The following PCDHA2 variants were observed in gnomAD, a reference collection of about 807,000 sequenced individuals.
The protein encoded by PCDHA2 is protocadherin alpha 2.
In PCDHA2, 58 loss-of-function variants were observed where a neutral mutation model predicts 66.0. The ratio of observed to expected loss-of-function variants is 0.88; its 90% CI spans 0.71 to 1.09. The LOEUF is 1.09. PCDHA2 is among the 50% of genes least tolerant of loss of function. The probability of loss-of-function intolerance (pLI) is 0.00; values close to 1 mark genes in which losing one functional copy is unlikely to be tolerated. For synonymous variants in PCDHA2, 634 were observed against 554.0 expected (o/e 1.14, Z -2.03); for missense variants, 1,267 against 1,242.3 (o/e 1.02, Z -0.30).
intron 1 of PCDHA2, chr5:140,822,039 G>A: frequency 6.2e-7 from 1 of 1,614,224 alleles, no homozygotes; most frequent in South Asian, 1.1e-5. Flanking sequence ...TGAATTCTCG[G>A]ATCGACCGGG....
At chr5:140,952,380 G>A (rs246035) in intron 1 of PCDHA2, among the ~76,000 whole-genome samples, 85,175 of 151,100 alleles carry the variant, frequency 0.56, 24,638 homozygotes, top group African/African-American at 0.69. Flanking sequence ...CCTCTGCCAG[G>A]TACCCTAAAC....
intron 3 of PCDHA2, among the ~76,000 whole-genome samples, chr5:141,007,768 A>C (rs1457934171): frequency 2.0e-5 from 3 of 152,212 alleles, no homozygotes; most frequent in Non-Finnish European, 2.9e-5. Context: ...ATTGGCCTGG[A>C]AATGGTACTG....
At position 140,795,473 on chromosome 5, in the gene PCDHA2, A is replaced by T; in HGVS notation, c.509A>T (p.Tyr170Phe). 1 of 1,614,186 alleles carries T rather than the reference A, an allele frequency of 6.2e-7. No individual in the cohort carries two copies. The highest frequency in any genetic ancestry group is 8.5e-7 in the Non-Finnish European group (1 of 1,180,032). The part of the protein sequence containing the change: ...ADIGVNALLS[Y>F]KLSSSEFFFL... ...ATAGGAGTAAATGCTCTTCTCTCCT[A>T]CAAGCTCAGCTCCAGTGAGTTTTTC... The change falls in exon 1 of 4, where the codon TAC becomes TTC. Residue 170 changes from tyrosine (Y) to phenylalanine (F), a missense_variant. By Grantham distance (22) the Tyr-to-Phe change is conservative. Coordinates refer to ENST00000526136, the MANE Select transcript of PCDHA2 (RefSeq NM_018905.3).
intron 1 of PCDHA2, chr5:140,801,003 A>C (rs1361378619): frequency 1.4e-6 from 2 of 1,408,024 alleles, no homozygotes; most frequent in African/African-American, 2.9e-5. Flanking sequence ...GTTTAGCCAC[A>C]TGATGTCGCT....
intron 1 of PCDHA2, chr5:140,966,863 C>T: frequency 6.4e-7 from 1 of 1,562,680 alleles, no homozygotes; most frequent in East Asian, 2.3e-5. Flanking sequence ...GCTGCTGTTG[C>T]TGCTGCTGCT....
intron 1 of PCDHA2, chr5:140,870,835 A>G (rs1304748663): frequency 1.9e-6 from 3 of 1,613,670 alleles, no homozygotes; most frequent in Admixed American, 3.3e-5. Context: ...CGCAGTTAAC[A>G]AGCTAGTACC....
chr5:140,924,942 GT>G (rs1180985667), intron 1 of PCDHA2, among the ~76,000 whole-genome samples: 3 of 120,862 alleles, frequency 2.5e-5, no homozygotes, highest in African/African-American at 8.7e-5. Context: ...AAAATAAAAA[GT>G]TAAAAAAAAA....
rs781930925 is a variant in PCDHA2, at chr5:140,797,047, G to A, written c.2083G>A (p.Asp695Asn). The change falls in exon 1 of 4, where the codon GAT (aspartate) becomes AAT (asparagine). Residue 695 changes from aspartate to asparagine, a missense_variant. Transcript: ENST00000526136. ...GAAGSEATLV[D>N]VNVYLIIAIC... ...CGCGGGCTCAGAGGCTACGCTGGTG[G>A]ATGTCAACGTGTACCTGATCATCGC... is the stretch of plus-strand genomic sequence containing the variant. The A allele has an allele frequency of 1.2e-6, 2 of 1,613,754 alleles. No homozygotes were observed. Among genetic ancestry groups the A allele is most frequent in the East Asian group, 2.2e-5 (1 of 44,870 alleles).
chr5:140,882,873 G>T, intron 1 of PCDHA2: 6 of 1,614,222 alleles, frequency 3.7e-6, no homozygotes, highest in Non-Finnish European at 5.1e-6. Flanking sequence ...ACACTGGACA[G>T]AGAGGAAATT....
chr5:140,817,621 A>G (rs955699396), intron 1 of PCDHA2: 1 of 152,214 alleles, frequency 6.6e-6, no homozygotes, highest in African/African-American at 2.4e-5. Context: ...GAATCATTAT[A>G]CCATTTACTT....
chr5:140,849,329 T>A (rs1581180148), intron 1 of PCDHA2: 2 of 1,371,780 alleles, frequency 1.5e-6, no homozygotes, highest in East Asian at 4.8e-5. Flanking sequence ...GGGATATTAT[T>A]TACTCCTTCT....
chr5:140,959,525 C>G (rs1356711808), intron 1 of PCDHA2, among the ~76,000 whole-genome samples: 1 of 151,910 alleles, frequency 6.6e-6, no homozygotes, highest in Non-Finnish European at 1.5e-5. Flanking sequence ...TCTTTAAGAC[C>G]ATTAATTCAG....
rs573889445 is a variant in PCDHA2 at position 140,855,681 on chromosome 5, A to G, written c.2388+58329A>G. ...AGAAATCACTACTCTGAGAGTCTAC[A>G]TTTAAGAAAACATTGCACGTGGGAT... On this transcript the variant is annotated intron_variant, in intron 1 of 3. Coordinates refer to ENST00000526136, the MANE Select transcript of PCDHA2 (RefSeq NM_018905.3). Among the ~76,000 whole-genome samples the G allele has an allele frequency of 1.4e-4, 21 of 149,936 alleles. 1 individual carries two copies. The highest frequency in any genetic ancestry group is 5.1e-4 in the African/African-American group (21 of 40,902).
intron 1 of PCDHA2, chr5:140,968,828 C>T (rs1404451202): frequency 6.2e-7 from 1 of 1,614,198 alleles, no homozygotes; most frequent in South Asian, 1.1e-5. Context: ...TTCCAAAATC[C>T]TCCCTGACAC....
intron 1 of PCDHA2, chr5:140,848,706 C>A (rs2150418265): frequency 6.3e-7 from 1 of 1,592,212 alleles, no homozygotes; most frequent in African/African-American, 1.3e-5. Context: ...TTCCAAAGGC[C>A]GCGGGGACCT....
At chr5:140,828,741 G>C (rs201515728) in intron 1 of PCDHA2, 1 of 1,614,220 alleles carries the variant, frequency 6.2e-7, no homozygotes. Flanking sequence ...GCCACAGATG[G>C]GGGCAAACCT....
At chr5:140,973,272 TC>T (rs1412629943) in intron 1 of PCDHA2, among the ~76,000 whole-genome samples, 1 of 152,134 alleles carries the variant, frequency 6.6e-6, no homozygotes, top group African/African-American at 2.4e-5. Flanking sequence ...TACTTTTATT[TC>T]CCCCAGCACT....
chr5:140,972,978 A>G (rs1392208477), intron 1 of PCDHA2, among the ~76,000 whole-genome samples: 1 of 152,058 alleles, frequency 6.6e-6, no homozygotes, highest in African/African-American at 2.4e-5. Flanking sequence ...ACCAAATCTT[A>G]AGGTAGATTC....
chr5:140,985,895 A>G (rs782549334), intron 3 of PCDHA2, among the ~76,000 whole-genome samples: 16 of 150,016 alleles, frequency 1.1e-4, no homozygotes, highest in Non-Finnish European at 1.5e-4. Flanking sequence ...GCCCGCCACC[A>G]CTCCCGTCTA....
Sources: allele counts gnomAD v4.1 joint callset (sites outside exome capture counted in the v4.1 genomes callset), GRCh38; gene constraint gnomAD v4.1.1; transcripts MANE v1.5; gene names NCBI Gene and HGNC (gene_info 2026-07-23, HGNC 2026-07-21).